The following TENM4 variants were observed in gnomAD, a reference collection of about 807,000 sequenced individuals.
The protein encoded by TENM4 is teneurin-4.
TENM4 carries 82 observed loss-of-function variants against 243.3 expected under a neutral mutation model. The observed-to-expected ratio is 0.34, with a 90% CI of 0.28 to 0.40. TENM4 has a LOEUF of 0.40. TENM4 is among the 10% of genes least tolerant of loss of function. The pLI, the probability that TENM4 is intolerant of heterozygous loss-of-function variation, is 1.00. For synonymous variants in TENM4, 1,412 were observed against 1,456.3 expected (o/e 0.97, Z 0.69); for missense variants, 3,138 against 3,673.3 (o/e 0.85, Z 3.77).
intron 9 of TENM4, among the ~76,000 whole-genome samples, chr11:78,886,902 T>C (rs1591100950): frequency 6.6e-6 from 1 of 152,224 alleles, no homozygotes; most frequent in East Asian, 1.9e-4. Context: ...AAATTGACCT[T>C]CCATCCACCT....
chr11:78,892,148 T>C (rs1855683271), intron 7 of TENM4, among the ~76,000 whole-genome samples: 2 of 152,210 alleles, frequency 1.3e-5, no homozygotes, highest in Non-Finnish European at 2.9e-5. Context: ...GCATAGCATT[T>C]TGTGACTTTA....
chr11:79,004,727 A>C (rs922818320), intron 6 of TENM4, among the ~76,000 whole-genome samples: 5 of 152,192 alleles, frequency 3.3e-5, no homozygotes, highest in African/African-American at 1.2e-4. Flanking sequence ...CAAAGCTAGT[A>C]GAAGACAAGA....
intron 16 of TENM4, 140 bp downstream of exon 16, chr11:78,786,758 A>T: frequency 8.3e-7 from 1 of 1,202,570 alleles, no homozygotes; most frequent in Non-Finnish European, 1.1e-6. Flanking sequence ...AGGAAATGCC[A>T]GTCATAATAC....
intron 1 of TENM4, among the ~76,000 whole-genome samples, chr11:79,423,265 T>A (rs1422488896): frequency 2.0e-5 from 3 of 152,066 alleles, no homozygotes; most frequent in African/African-American, 7.2e-5. Flanking sequence ...CCTGAAGCCC[T>A]CACAATATAT....
At chr11:79,253,891 A>C (rs1855655768) in intron 2 of TENM4, among the ~76,000 whole-genome samples, 1 of 152,248 alleles carries the variant, frequency 6.6e-6, no homozygotes, top group African/African-American at 2.4e-5. Context: ...TTCTATTTAC[A>C]GAAGAACAAA....
intron 2 of TENM4, among the ~76,000 whole-genome samples, chr11:79,227,631 G>A (rs774646880): frequency 1.3e-5 from 2 of 152,200 alleles, no homozygotes; most frequent in African/African-American, 2.4e-5. Context: ...GGAGAAATGG[G>A]GGACACAAAA....
At chr11:78,887,631 A>C (rs986850971) in intron 9 of TENM4, among the ~76,000 whole-genome samples, 2 of 152,260 alleles carry the variant, frequency 1.3e-5, no homozygotes, top group Non-Finnish European at 2.9e-5. Flanking sequence ...ACTCCCAGGC[A>C]GTGCTTGAAT....
At chr11:79,381,905 T>C (rs1247129548) in intron 1 of TENM4, among the ~76,000 whole-genome samples, 1 of 152,082 alleles carries the variant, frequency 6.6e-6, no homozygotes. Flanking sequence ...CTGCTCTTCC[T>C]TGAACAGGCC....
intron 5 of TENM4, among the ~76,000 whole-genome samples, chr11:79,067,259 A>G (rs1293192653): frequency 6.6e-6 from 1 of 152,108 alleles, no homozygotes; most frequent in Non-Finnish European, 1.5e-5. Context: ...CTGCCCTCCG[A>G]TTTTGCTCTC....
chr11:79,437,767 G>GATTC (rs1859307424), intron 1 of TENM4, among the ~76,000 whole-genome samples: 1 of 152,152 alleles, frequency 6.6e-6, no homozygotes, highest in African/African-American at 2.4e-5. Flanking sequence ...TGCGGTCCCC[G>GATTC]CCGCGACCTG....
At chr11:79,195,997 T>G (rs946806732) in intron 3 of TENM4, among the ~76,000 whole-genome samples, 1 of 152,142 alleles carries the variant, frequency 6.6e-6, no homozygotes, top group African/African-American at 2.4e-5. Flanking sequence ...ATTCTCATGA[T>G]AGTGAATAAG....
At chr11:78,915,073 C>T (rs1053306576) in intron 6 of TENM4, among the ~76,000 whole-genome samples, 19 of 152,344 alleles carry the variant, frequency 1.2e-4, no homozygotes, top group African/African-American at 4.6e-4. Context: ...AGGGTAGCAC[C>T]CCATAGCTCG....
chr11:79,243,027 T>A (rs1253951292), intron 2 of TENM4, among the ~76,000 whole-genome samples: 1 of 152,150 alleles, frequency 6.6e-6, no homozygotes, highest in Non-Finnish European at 1.5e-5. Flanking sequence ...CTAGTGCCCC[T>A]TGGGAGCTCC....
At chr11:79,163,484 C>T (rs765392197) in intron 3 of TENM4, among the ~76,000 whole-genome samples, 3 of 151,716 alleles carry the variant, frequency 2.0e-5, no homozygotes, top group Non-Finnish European at 4.4e-5. Context: ...TTTTGGTGCA[C>T]CCATCACCCG....
chr11:79,012,266 T>C (rs1253757906), intron 6 of TENM4, among the ~76,000 whole-genome samples: 1 of 152,210 alleles, frequency 6.6e-6, no homozygotes, highest in East Asian at 1.9e-4. Context: ...GACGGCCTCA[T>C]GTCTGCAATT....
intron 2 of TENM4, among the ~76,000 whole-genome samples, chr11:79,225,574 CTT>C (rs539274601): frequency 6.6e-6 from 1 of 152,026 alleles, no homozygotes; most frequent in Admixed American, 6.6e-5. Flanking sequence ...ATGCTGGCTA[CTT>C]TTTTTGTAAT....
chr11:78,917,646 T>C (rs369790139), intron 6 of TENM4, among the ~76,000 whole-genome samples: 2 of 152,152 alleles, frequency 1.3e-5, no homozygotes, highest in South Asian at 2.1e-4. Flanking sequence ...GCAACAGAAA[T>C]GTAATAATAA....
Position 79,000,925 on chromosome 11 carries a change from G to A in TENM4, c.493+63813C>T, listed in dbSNP as rs546773148. ...ATATGCCTGTAGTCCCAGCTACTTG[G>A]GAGGCTGAGGCAGGAGAATCACTTG... On this transcript the variant is annotated intron_variant, in intron 6 of 33. Coordinates refer to ENST00000278550, the MANE Select transcript of TENM4 (RefSeq NM_001098816.3). 4.6e-5 allele frequency among the ~76,000 whole-genome samples: 7 copies of A among 152,322 alleles called. No individual in the cohort carries two copies. The South Asian group carries it at 1.2e-3, about 27-fold the overall frequency.
At chr11:78,857,103 G>C (rs1038318913) in intron 10 of TENM4, among the ~76,000 whole-genome samples, 4 of 152,170 alleles carry the variant, frequency 2.6e-5, no homozygotes, top group African/African-American at 9.7e-5. Flanking sequence ...CTAACTTCCT[G>C]CCAGACATCA....
Sources: gnomAD v4.1 joint callset for allele counts (sites outside exome capture counted in the v4.1 genomes callset) on GRCh38, gnomAD v4.1.1 for gene constraint, MANE v1.5 for transcripts, NCBI Gene and HGNC (gene_info 2026-07-23, HGNC 2026-07-21) for gene names.